E2F3: variants seen among roughly 807,000 people sequenced by gnomAD.
The protein encoded by E2F3 is transcription factor E2F3.
Under a neutral mutation model 44.4 loss-of-function variants are expected in E2F3, and 11 were observed. The observed-to-expected ratio is 0.25, with a 90% CI of 0.16 to 0.41. The LOEUF is 0.41. Among genes scored for constraint, E2F3 ranks in the 10% least tolerant of loss-of-function variants. The pLI, the probability that E2F3 is intolerant of heterozygous loss-of-function variation, is 1.00. For synonymous variants in E2F3, 249 were observed against 253.0 expected (o/e 0.98, Z 0.15); for missense variants, 487 against 583.6 (o/e 0.83, Z 1.70).
chr6:20,492,823 T>C lies in E2F3; in HGVS notation c.*2393T>C. ...GTATTTTGTTTGCATTAAGTAATTTTCTTTTTGACTTAGTATCCGGCACAC... is the reference window on the plus strand; with the variant it reads ...GTATTTTGTTTGCATTAAGTAATTTCCTTTTTGACTTAGTATCCGGCACAC... On this transcript the variant is annotated 3_prime_UTR_variant, in exon 7 of 7. Transcript: ENST00000346618. 1 of 225,472 alleles carries C rather than the reference T, an allele frequency of 4.4e-6. No individual in the cohort carries two copies. The highest frequency in any genetic ancestry group is 8.9e-6 in the Non-Finnish European group (1 of 112,940). The allele number at this position is 225,472 out of a possible 1,614,324, so 14.0% of individuals were successfully genotyped here. A position where few individuals can be genotyped will look rare whatever the true frequency, so the allele number is the denominator to read the frequency against.
intron 4 of E2F3, among the ~76,000 whole-genome samples, chr6:20,485,022 T>C (rs200319024): frequency 3.3e-5 from 5 of 151,106 alleles, no homozygotes; most frequent in Admixed American, 1.3e-4. Flanking sequence ...AAGCCCCCCC[T>C]TTTTTTTATA....
chr6:20,403,195 G>A (rs1299657253), intron 1 of E2F3, among the ~76,000 whole-genome samples: 1 of 152,058 alleles, frequency 6.6e-6, no homozygotes, highest in Admixed American at 6.5e-5. Flanking sequence ...CGGCAACAAA[G>A]GGGCTGGGGG....
At position 20,490,254 on chromosome 6, in the gene E2F3, C is replaced by G; in HGVS notation, c.1222C>G (p.Gln408Glu). The change falls in exon 7 of 7, where the codon CAG becomes GAG. Residue 408 changes from glutamine to glutamate, a missense_variant. Coordinates refer to ENST00000346618, the MANE Select transcript of E2F3 (RefSeq NM_001949.5). This position sits in a 1 kb window ranked among gnomAD's most constrained non-coding sequence, Gnocchi z 4.3. ...TCTGGCCTCCCCAGCCAACCTCTTACAGCAGACTGAGGACCAAATTCCTTC... is the reference window on the plus strand; with the variant it reads ...TCTGGCCTCCCCAGCCAACCTCTTAGAGCAGACTGAGGACCAAATTCCTTC... ...SPLASPANLL[Q>E]QTEDQIPSNL... 1.2e-6 allele frequency: 2 copies of G among 1,614,188 alleles called. No individual in the cohort carries two copies. The highest frequency in any genetic ancestry group is 1.1e-5 in the South Asian group (1 of 91,082).
At chr6:20,403,825 A>T (rs890392700) in intron 1 of E2F3, 3 of 1,497,396 alleles carry the variant, frequency 2.0e-6, no homozygotes, top group Admixed American at 2.1e-5. Context: ...ATGCCCTTAC[A>T]GCAGCAGGTT....
intron 1 of E2F3, among the ~76,000 whole-genome samples, chr6:20,461,674 T>A (rs888347751): frequency 6.6e-5 from 10 of 152,358 alleles, no homozygotes; most frequent in Admixed American, 6.5e-4. Context: ...ATTCTGAGGT[T>A]TTTTTGTTTG....
At chr6:20,478,845 A>G (rs1388894416) in intron 1 of E2F3, among the ~76,000 whole-genome samples, 2 of 152,184 alleles carry the variant, frequency 1.3e-5, no homozygotes, top group African/African-American at 2.4e-5. Flanking sequence ...CATTAGAAGA[A>G]TCTGCCTGAA....
At chr6:20,453,584 T>G (rs1761207281) in intron 1 of E2F3, among the ~76,000 whole-genome samples, 1 of 152,012 alleles carries the variant, frequency 6.6e-6, no homozygotes, top group South Asian at 2.1e-4. Flanking sequence ...CTGGCAAATT[T>G]TATTATTTGT....
At chr6:20,475,175 C>A (rs551120502) in intron 1 of E2F3, among the ~76,000 whole-genome samples, 5 of 152,312 alleles carry the variant, frequency 3.3e-5, no homozygotes, top group Middle Eastern at 3.4e-3. Flanking sequence ...AATAAAAGTG[C>A]CTTGCAATTT....
chr6:20,451,536 T>C (rs1056734664), intron 1 of E2F3, among the ~76,000 whole-genome samples: 3 of 152,206 alleles, frequency 2.0e-5, no homozygotes, highest in Non-Finnish European at 2.9e-5. Flanking sequence ...CTCTTTTTAT[T>C]TGGAGGCACT....
rs1454728721 is a variant in E2F3 at position 20,493,288 on chromosome 6, A to G, written c.*2858A>G. The G allele has an allele frequency of 6.0e-6, 1 of 166,250 alleles. No individual in the cohort carries two copies. The highest frequency in any genetic ancestry group is 1.2e-5 in the Non-Finnish European group (1 of 86,476). 10.3% of individuals were successfully genotyped at this position (166,250 alleles called of 1,614,324 possible). A position where few individuals can be genotyped will look rare whatever the true frequency, so the allele number is the denominator to read the frequency against. ...CGTGTAGATCTGTAAATAAAATTGC[A>G]GTATTTAAAGCTTAAGCTTTCAGGA... is the stretch of plus-strand genomic sequence containing the variant. On this transcript the variant is annotated 3_prime_UTR_variant, in exon 7 of 7. Coordinates refer to ENST00000346618, the MANE Select transcript of E2F3 (RefSeq NM_001949.5).
At chr6:20,416,751 G>T (rs1759860466) in intron 1 of E2F3, among the ~76,000 whole-genome samples, 1 of 152,164 alleles carries the variant, frequency 6.6e-6, no homozygotes, top group Non-Finnish European at 1.5e-5. Context: ...GCCGTAACTG[G>T]GCTGCAATGT....
intron 1 of E2F3, among the ~76,000 whole-genome samples, chr6:20,446,123 A>C (rs1158436687): frequency 6.6e-6 from 1 of 152,194 alleles, no homozygotes; most frequent in East Asian, 1.9e-4. Flanking sequence ...GATAGTGGCC[A>C]TGGCCAGGAA....
At chr6:20,484,908 G>A (rs1355496672) in intron 4 of E2F3, among the ~76,000 whole-genome samples, 5 of 149,738 alleles carry the variant, frequency 3.3e-5, no homozygotes, top group African/African-American at 4.9e-5. Context: ...AGCTGAAATC[G>A]TGCCACTGCA....
At chr6:20,431,919 C>T (rs1367997417) in intron 1 of E2F3, among the ~76,000 whole-genome samples, 1 of 152,254 alleles carries the variant, frequency 6.6e-6, no homozygotes, top group African/African-American at 2.4e-5. Context: ...GAGGTTTCCT[C>T]TGAGGCCGCT....
intron 1 of E2F3, chr6:20,445,240 T>C: frequency 1.3e-6 from 1 of 793,794 alleles, no homozygotes; most frequent in Non-Finnish European, 1.5e-6. Flanking sequence ...ATGTGTATAT[T>C]TTCTCCCTTT....
chr6:20,438,510 A>G (rs899002436), intron 1 of E2F3, among the ~76,000 whole-genome samples: 1 of 152,130 alleles, frequency 6.6e-6, no homozygotes, highest in African/African-American at 2.4e-5. Context: ...TTAGTACTGC[A>G]TTTGGTATAT....
rs4134946 is a variant in E2F3 at position 20,483,483 on chromosome 6, A to G, written c.884+563A>G. On this transcript the variant is annotated intron_variant, in intron 4 of 6. Transcript: ENST00000346618. ...ATAACTCTTAAAGTGCATTCTGCTGATTCCCAATGAAAAAACTGATTTCAA... is the reference window on the plus strand; with the variant it reads ...ATAACTCTTAAAGTGCATTCTGCTGGTTCCCAATGAAAAAACTGATTTCAA... 6.7e-3 allele frequency among the ~76,000 whole-genome samples: 1,021 copies of G among 152,316 alleles called. 14 individuals are homozygous for G. Among genetic ancestry groups the G allele is most frequent in the African/African-American group, 0.022 (929 of 41,580 alleles).
intron 1 of E2F3, among the ~76,000 whole-genome samples, chr6:20,420,438 G>GGTGTGTGT (rs35566563): frequency 9.4e-5 from 14 of 148,878 alleles, no homozygotes; most frequent in African/African-American, 3.0e-4. Flanking sequence ...GGCTTTCTCT[G>GGTGTGTGT]GTGTGTGTGT....
chr6:20,404,407 T>G (rs1759424179), intron 1 of E2F3, among the ~76,000 whole-genome samples: 1 of 152,238 alleles, frequency 6.6e-6, no homozygotes, highest in Admixed American at 6.5e-5. Flanking sequence ...ACCCTCGTGG[T>G]GAGGCTTGGC....
Sources: allele counts gnomAD v4.1 joint callset (sites outside exome capture counted in the v4.1 genomes callset), GRCh38; gene constraint gnomAD v4.1.1; non-coding constraint Gnocchi (gnomAD v3.1); transcripts MANE v1.5; gene names NCBI Gene and HGNC (gene_info 2026-07-23, HGNC 2026-07-21).